Variants in AIG1 observed in about 807,000 individuals in gnomAD.
The protein encoded by AIG1 is androgen-induced gene 1 protein.
AIG1 carries 23 observed loss-of-function variants against 31.4 expected under a neutral mutation model. The observed-to-expected ratio is 0.73, with a 90% CI of 0.53 to 1.04. The LOEUF is 1.04. Ranked by LOEUF, AIG1 falls within the 50% of genes least tolerant of loss-of-function variation. The pLI is 0.00. For missense variants in AIG1, 274 were observed against 295.0 expected, an observed-to-expected ratio of 0.93 and a Z score of 0.52; for synonymous variants, 100 against 110.5, an observed-to-expected ratio of 0.90 and a Z score of 0.60.
intron 2 of AIG1, among the ~76,000 whole-genome samples, chr6:143,141,661 A>T (rs1784257619): frequency 6.6e-6 from 1 of 152,200 alleles, no homozygotes; most frequent in Non-Finnish European, 1.5e-5. Flanking sequence ...TTTTGCAGGG[A>T]TAACCCATGG....
rs148233904 is a variant in AIG1 at position 143,089,647 on chromosome 6, A to G, written c.141+28581A>G. On this transcript the variant is annotated intron_variant, in intron 1 of 5. Transcript: ENST00000357847. ...GCTGGAAGACTGGGCATCTGGTGAA[A>G]GTCTCAGGCTACATAAACTCATGGT... Among the ~76,000 whole-genome samples the G allele has an allele frequency of 2.6e-5, 4 of 152,336 alleles. No homozygotes were observed. The East Asian group carries it at 7.7e-4, about 29-fold the overall frequency.
At chr6:143,312,325 A>G (rs1201553188) in intron 4 of AIG1, among the ~76,000 whole-genome samples, 4 of 151,530 alleles carry the variant, frequency 2.6e-5, no homozygotes, top group East Asian at 1.9e-4. Flanking sequence ...ACAGAGATAT[A>G]TTAATGAAAA....
chr6:143,272,192 G>A (rs1291996104), intron 3 of AIG1, among the ~76,000 whole-genome samples: 1 of 152,118 alleles, frequency 6.6e-6, no homozygotes, highest in South Asian at 2.1e-4. Context: ...GTGGGAACAC[G>A]AAAAAGAGGG....
At chr6:143,115,665 T>G (rs1237314331) in intron 1 of AIG1, among the ~76,000 whole-genome samples, 2 of 152,240 alleles carry the variant, frequency 1.3e-5, no homozygotes, top group Non-Finnish European at 2.9e-5. Context: ...AGGACTTTTG[T>G]GGCAGTTAAA....
chr6:143,336,001 C>G (rs563627634), intron 5 of AIG1, among the ~76,000 whole-genome samples: 2 of 151,418 alleles, frequency 1.3e-5, no homozygotes, highest in Non-Finnish European at 2.9e-5. Context: ...CAGTTATCCA[C>G]TTTAGATGAC....
intron 3 of AIG1, among the ~76,000 whole-genome samples, chr6:143,186,395 T>C (rs189917171): frequency 6.6e-6 from 1 of 152,366 alleles, no homozygotes; most frequent in Non-Finnish European, 1.5e-5. Flanking sequence ...AATTCAGATA[T>C]GTGTAAACCT....
chr6:143,169,823 A>C (rs1787320918), intron 3 of AIG1, among the ~76,000 whole-genome samples: 1 of 152,158 alleles, frequency 6.6e-6, no homozygotes, highest in Non-Finnish European at 1.5e-5. Flanking sequence ...AATGATATTT[A>C]ATTTTATCAA....
At chr6:143,233,225 G>T (rs1419196037) in intron 3 of AIG1, among the ~76,000 whole-genome samples, 1 of 151,964 alleles carries the variant, frequency 6.6e-6, no homozygotes, top group East Asian at 1.9e-4. Context: ...GGACCATCAG[G>T]GTGGCTCTGC....
At chr6:143,208,758 AT>A (rs549431153) in intron 3 of AIG1, among the ~76,000 whole-genome samples, 329 of 152,142 alleles carry the variant, frequency 2.2e-3, no homozygotes, top group Non-Finnish European at 3.6e-3. Context: ...CATTTTAGAT[AT>A]TTTCCCCCCA....
chr6:143,343,236 T>C, downstream of AIG1: 1 of 666,272 alleles, frequency 1.5e-6, no homozygotes, highest in South Asian at 1.4e-5. Context: ...ATTTTTTGAT[T>C]ATGCAGCACA....
chr6:143,149,859 A>G (rs896260338), intron 2 of AIG1, among the ~76,000 whole-genome samples: 1 of 152,214 alleles, frequency 6.6e-6, no homozygotes, highest in Non-Finnish European at 1.5e-5. Flanking sequence ...ATAAGGTTGT[A>G]TCAGTAGAAT....
chr6:143,302,369 C>A (rs1798888876), intron 4 of AIG1, among the ~76,000 whole-genome samples: 2 of 151,416 alleles, frequency 1.3e-5, no homozygotes, highest in Non-Finnish European at 2.9e-5. Flanking sequence ...GCTATCCCTC[C>A]CCACTCCCCC....
At chr6:143,188,458 G>T (rs1406119297) in intron 3 of AIG1, 2 of 985,358 alleles carry the variant, frequency 2.0e-6, no homozygotes, top group Non-Finnish European at 2.4e-6. Context: ...TGGAAGTCAG[G>T]GTTAGAGTGG....
intron 4 of AIG1, among the ~76,000 whole-genome samples, chr6:143,286,858 C>A (rs1797712375): frequency 6.6e-6 from 1 of 151,952 alleles, no homozygotes; most frequent in East Asian, 1.9e-4. Flanking sequence ...AATCTATTCT[C>A]TTCCCAGGTT....
chr6:143,314,972 T>C (rs1337591748), intron 4 of AIG1, among the ~76,000 whole-genome samples: 4 of 152,136 alleles, frequency 2.6e-5, no homozygotes, highest in African/African-American at 9.7e-5. Flanking sequence ...GTCAAATGAA[T>C]CTTTGGCCAA....
intron 1 of AIG1, among the ~76,000 whole-genome samples, chr6:143,091,231 A>C (rs953987057): frequency 1.3e-5 from 2 of 152,188 alleles, no homozygotes; most frequent in Non-Finnish European, 2.9e-5. Flanking sequence ...GAACTCCTCA[A>C]AATCATCCAT....
chr6:143,229,982 C>T (rs1219138098), intron 3 of AIG1, among the ~76,000 whole-genome samples: 1 of 152,222 alleles, frequency 6.6e-6, no homozygotes, highest in East Asian at 1.9e-4. Flanking sequence ...AAATGTGATC[C>T]TGAGCTCATA....
Position 143,136,981 on chromosome 6 carries a change from T to C in AIG1, c.288T>C (p.Pro96=). The change falls in exon 2 of 6, where the codon CCT becomes CCC. Residue 96 remains proline, a synonymous_variant. Transcript: ENST00000357847. The part of the protein sequence containing the change: ...RDWMLAVLAF[P]VGVFVVAVFW... ...GGATGTTAGCTGTGTTGGCCTTTCC[T>C]GTTGGGGTTGTGAGTATGATGGAGG... is the stretch of plus-strand genomic sequence containing the variant. 1 of 1,428,510 alleles carries C rather than the reference T, an allele frequency of 7.0e-7. No homozygotes were observed. Among genetic ancestry groups the C allele is most frequent in the South Asian group, 1.7e-5 (1 of 60,480 alleles). 88.5% of individuals were successfully genotyped at this position (1,428,510 alleles called of 1,614,324 possible).
chr6:143,320,690 G>A (rs1415629001), intron 4 of AIG1, among the ~76,000 whole-genome samples: 1 of 152,096 alleles, frequency 6.6e-6, no homozygotes, highest in Non-Finnish European at 1.5e-5. Flanking sequence ...GGCTGGGAAG[G>A]GAATCAAGGA....
Sources: allele counts gnomAD v4.1 joint callset (sites outside exome capture counted in the v4.1 genomes callset), GRCh38; gene constraint gnomAD v4.1.1; transcripts MANE v1.5; gene names NCBI Gene and HGNC (gene_info 2026-07-23, HGNC 2026-07-21).